The following CYTIP variants were observed in gnomAD, a reference collection of about 807,000 sequenced individuals.
CYTIP encodes cytohesin 1 interacting protein, also known as cytohesin-interacting protein.
In CYTIP, 26 loss-of-function variants were observed where a neutral mutation model predicts 43.8. That is an observed-to-expected ratio of 0.59 (90% CI 0.44 to 0.82). The LOEUF (loss-of-function observed/expected upper bound fraction) is 0.82. Ranked by LOEUF, CYTIP falls within the 40% of genes least tolerant of loss-of-function variation. The pLI is 0.00. For missense variants in CYTIP, 426 were observed against 443.1 expected (o/e 0.96, Z 0.35); for synonymous variants, 162 against 162.9 (o/e 0.99, Z 0.04).
intron 6 of CYTIP, among the ~76,000 whole-genome samples, chr2:157,423,026 G>A (rs1685547120): frequency 1.3e-5 from 2 of 152,054 alleles, no homozygotes; most frequent in Non-Finnish European, 2.9e-5. Flanking sequence ...AATTCCAGAA[G>A]ATAATACAAG....
At position 157,423,090 on chromosome 2, in the gene CYTIP, A is replaced by G. The variant is rs191033935; in HGVS notation, c.546+4261T>C. Among the ~76,000 whole-genome samples the G allele has an allele frequency of 9.2e-5, 14 of 152,228 alleles. No homozygotes were observed. The East Asian group carries it at 2.7e-3, about 29-fold the overall frequency. On this transcript the variant is annotated intron_variant, in intron 6 of 7. Coordinates refer to ENST00000264192, the MANE Select transcript of CYTIP (RefSeq NM_004288.5). The stretch of plus-strand genomic sequence containing the variant: ...ATTGAGTTGATAGTTTTCCAAAGCT[A>G]AAGAAAGTCTTTAAACAGAAAGAGC...
At chr2:157,419,180 A>G (rs1685482950) in intron 6 of CYTIP, among the ~76,000 whole-genome samples, 1 of 152,120 alleles carries the variant, frequency 6.6e-6, no homozygotes, top group Admixed American at 6.5e-5. Context: ...CTGTCTTTTT[A>G]GTAGCGACGG....
intron 6 of CYTIP, among the ~76,000 whole-genome samples, chr2:157,420,574 C>A (rs533499887): frequency 3.5e-5 from 5 of 144,342 alleles, no homozygotes; most frequent in African/African-American, 1.3e-4. Flanking sequence ...TCACTTAAGC[C>A]TGGGAGGTTG....
Position 157,440,918 on chromosome 2 carries a change from C to T in CYTIP, c.174+2929G>A, listed in dbSNP as rs1195137413. On this transcript the variant is annotated intron_variant, in intron 1 of 7. Transcript: ENST00000264192. ...TTAATTCCTCCTGTCTCCTTCCTAC[C>T]GAGCTTTCCATTGCAAAGATTTTTT... Among the ~76,000 whole-genome samples, 8 of 152,028 alleles carry T rather than the reference C, an allele frequency of 5.3e-5. No individual in the cohort carries two copies. The South Asian group carries it at 8.3e-4, about 16-fold the overall frequency.
chr2:157,443,422 C>T (rs772504529), intron 1 of CYTIP, among the ~76,000 whole-genome samples: 1 of 152,028 alleles, frequency 6.6e-6, no homozygotes, highest in South Asian at 2.1e-4. Flanking sequence ...CAAAATTTGT[C>T]CTCAGAAAAA....
chr2:157,417,875 C>T (rs190402286), intron 7 of CYTIP, among the ~76,000 whole-genome samples: 45 of 152,292 alleles, frequency 3.0e-4, no homozygotes, highest in African/African-American at 1.0e-3. Context: ...TTCACACCCA[C>T]GTAGTGGTTT....
intron 6 of CYTIP, among the ~76,000 whole-genome samples, 193 bp from the exon 7 acceptor site, chr2:157,418,782 A>C (rs1685478752): frequency 6.6e-6 from 1 of 152,128 alleles, no homozygotes; most frequent in East Asian, 1.9e-4. Flanking sequence ...TGCCCTCAAA[A>C]AATAATCTAG....
At chr2:157,426,778 G>A (rs1685614837) in intron 6 of CYTIP, among the ~76,000 whole-genome samples, 3 of 152,084 alleles carry the variant, frequency 2.0e-5, no homozygotes, top group Admixed American at 1.3e-4. Context: ...ATTTTTAAAA[G>A]CCTCAAAAAA....
intron 5 of CYTIP, among the ~76,000 whole-genome samples, chr2:157,429,685 TA>T (rs1685672996): frequency 6.6e-6 from 1 of 152,076 alleles, no homozygotes; most frequent in Non-Finnish European, 1.5e-5. Flanking sequence ...ATTGTTATGG[TA>T]GAAAAATCAG....
intron 3 of CYTIP, 194 bp downstream of exon 3, chr2:157,434,176 T>C: frequency 1.6e-6 from 1 of 626,234 alleles, no homozygotes; most frequent in East Asian, 2.8e-5. Flanking sequence ...GAGGTTTTGT[T>C]ATCATCTTCA....
intron 6 of CYTIP, among the ~76,000 whole-genome samples, chr2:157,425,341 A>G (rs77941083): frequency 0.016 from 2,443 of 152,294 alleles, 50 homozygotes; most frequent in African/African-American, 0.054. Context: ...GGTAAGGAGT[A>G]CAATGCAACA....
intron 1 of CYTIP, among the ~76,000 whole-genome samples, chr2:157,443,366 G>T (rs556535446): frequency 1.9e-4 from 29 of 151,480 alleles, no homozygotes; most frequent in African/African-American, 6.9e-4. Context: ...CTTTCCAATA[G>T]CCTGAGGTAT....
rs1371712130 is a variant in CYTIP at position 157,434,845 on chromosome 2, T to TCA, written c.175-99_175-98insTG. The TCA allele has an allele frequency of 9.6e-3, 2,538 of 263,294 alleles. 72 individuals carry two copies. Among genetic ancestry groups the TCA allele is most frequent in the African/African-American group, 0.015 (352 of 22,842 alleles). The allele number at this position is 263,294 out of a possible 1,614,324, so 16.3% of individuals were successfully genotyped here. A position where few individuals can be genotyped will look rare whatever the true frequency, so the allele number is the denominator to read the frequency against. On this transcript the variant is annotated intron_variant, in intron 1 of 7. Transcript: ENST00000264192. ...CTCTCTCTCTCTCTCTCTCTCTCTCTCTCTCACACACACACACACACACAC... is the reference window on the plus strand; with the variant it reads ...CTCTCTCTCTCTCTCTCTCTCTCTCTCACTCTCACACACACACACACACACAC...
intron 6 of CYTIP, among the ~76,000 whole-genome samples, chr2:157,420,887 C>G (rs1488730261): frequency 6.6e-6 from 1 of 152,090 alleles, no homozygotes; most frequent in Non-Finnish European, 1.5e-5. Flanking sequence ...AAACTAGAGA[C>G]AGAAAGAAGA....
chr2:157,434,143 C>T, intron 3 of CYTIP: 1 of 571,862 alleles, frequency 1.7e-6, no homozygotes, highest in Admixed American at 3.3e-5. Flanking sequence ...AGCAACTAAG[C>T]ACAAACTGCT....
chr2:157,425,675 G>T (rs1045191262), intron 6 of CYTIP, among the ~76,000 whole-genome samples: 1 of 152,080 alleles, frequency 6.6e-6, no homozygotes, highest in African/African-American at 2.4e-5. Context: ...ATAGAATATA[G>T]CCCTATTTTT....
intron 1 of CYTIP, chr2:157,438,933 A>C: frequency 2.3e-6 from 1 of 431,650 alleles, no homozygotes; most frequent in Non-Finnish European, 4.9e-6. Flanking sequence ...TCAAGATTTC[A>C]TCCAATCGGT....
intron 6 of CYTIP, among the ~76,000 whole-genome samples, chr2:157,419,852 C>T (rs1299903117): frequency 1.3e-5 from 2 of 152,206 alleles, no homozygotes; most frequent in African/African-American, 4.8e-5. Context: ...TTAAGAGGAA[C>T]ATGGCTTGTT....
At chr2:157,434,899 A>ACACACACACAC (rs1558941073) in intron 1 of CYTIP, 152 bp from the exon 2 acceptor site, 3 of 370,062 alleles carry the variant, frequency 8.1e-6, no homozygotes, top group South Asian at 4.1e-5. Flanking sequence ...ACACACACAC[A>ACACACACACAC]ACCTGTTCTT....
Sources: allele counts gnomAD v4.1 joint callset (sites outside exome capture counted in the v4.1 genomes callset), GRCh38; gene constraint gnomAD v4.1.1; transcripts MANE v1.5; gene names NCBI Gene and HGNC (gene_info 2026-07-23, HGNC 2026-07-21).